Variants in AKR1E2 observed in about 807,000 individuals in gnomAD.
The protein encoded by AKR1E2 is aldo-keto reductase family 1 member E2.
Under a neutral mutation model 41.9 loss-of-function variants are expected in AKR1E2, and 43 were observed. The ratio of observed to expected loss-of-function variants is 1.03; its 90% confidence interval spans 0.80 to 1.32. AKR1E2 has a LOEUF of 1.32. Among genes scored for constraint, AKR1E2 ranks in the 40% most tolerant of loss-of-function variants. AKR1E2 has a pLI of 0.00. For missense variants in AKR1E2, 423 were observed against 396.5 expected (o/e 1.07, Z -0.57); for synonymous variants, 121 against 138.9 (o/e 0.87, Z 0.91).
chr10:4,832,410 C>T (rs1183583518), intron 2 of AKR1E2, among the ~76,000 whole-genome samples: 1 of 152,172 alleles, frequency 6.6e-6, no homozygotes, highest in Non-Finnish European at 1.5e-5. Flanking sequence ...TTGGTGTGTG[C>T]TTGGCCAAGC....
the AKR1E2 span, among the ~76,000 whole-genome samples, chr10:4,865,220 A>G: frequency 6.6e-6 from 1 of 152,216 alleles, no homozygotes; most frequent in Non-Finnish European, 1.5e-5. Context: ...GACAAAACAA[A>G]AATAATACGT....
At chr10:4,846,043 C>A in intron 8 of AKR1E2, 1 of 362,224 alleles carries the variant, frequency 2.8e-6, no homozygotes, top group Non-Finnish European at 5.4e-6. Flanking sequence ...AGAACTGCTG[C>A]TGCAAGGCTG....
At chr10:4,833,792 G>C (rs923564901) in intron 3 of AKR1E2, among the ~76,000 whole-genome samples, 2 of 152,214 alleles carry the variant, frequency 1.3e-5, no homozygotes, top group Non-Finnish European at 2.9e-5. Context: ...CTGCTGCTCA[G>C]AGAAAGTTCC....
downstream of AKR1E2, among the ~76,000 whole-genome samples, chr10:4,852,006 C>T (rs1834534308): frequency 6.6e-6 from 1 of 152,148 alleles, no homozygotes; most frequent in South Asian, 2.1e-4. Flanking sequence ...AGCTCCGTTC[C>T]ATGTGACGCC....
At chr10:4,838,500 C>G (rs1833615254) in intron 5 of AKR1E2, among the ~76,000 whole-genome samples, 1 of 152,142 alleles carries the variant, frequency 6.6e-6, no homozygotes, top group African/African-American at 2.4e-5. Context: ...GCATCATGTT[C>G]TATTTTTTTG....
At position 4,826,283 on chromosome 10, in the gene AKR1E2, C is replaced by G; in HGVS notation, c.-42C>G. On this transcript the variant is annotated 5_prime_UTR_variant, in exon 1 of 10. Transcript: ENST00000298375. ...AGCTCGCGCGGTGCCTGTCGGTAGT[C>G]GCGTGCGGGGCGGCGGGGCGGCGGG... 1 of 1,226,822 alleles carries G rather than the reference C, an allele frequency of 8.2e-7. No individual in the cohort carries two copies. The highest frequency in any genetic ancestry group is 1.0e-6 in the Non-Finnish European group (1 of 982,512). The allele number at this position is 1,226,822 out of a possible 1,614,324, so 76.0% of individuals were successfully genotyped here. A position where few individuals can be genotyped will look rare whatever the true frequency, so the allele number is the denominator to read the frequency against.
the AKR1E2 span, among the ~76,000 whole-genome samples, chr10:4,862,560 T>C: frequency 3.3e-5 from 5 of 152,230 alleles, no homozygotes; most frequent in South Asian, 1.0e-3. Context: ...TTCCTATCCA[T>C]GCACATAGAA....
the AKR1E2 span, among the ~76,000 whole-genome samples, chr10:4,856,882 T>C: frequency 6.6e-6 from 1 of 151,936 alleles, no homozygotes; most frequent in Admixed American, 6.6e-5. Flanking sequence ...TGTAGAACTC[T>C]ACTGTTCGGT....
chr10:4,870,286 AC>A, the AKR1E2 span, among the ~76,000 whole-genome samples: 1 of 152,034 alleles, frequency 6.6e-6, no homozygotes, highest in Admixed American at 6.6e-5. Context: ...ACCATATAAG[AC>A]ATTTAGTTTT....
chr10:4,827,525 C>T (rs1276695364), intron 1 of AKR1E2, among the ~76,000 whole-genome samples: 6 of 152,042 alleles, frequency 3.9e-5, no homozygotes, highest in Admixed American at 3.9e-4. Context: ...ATTCTACGAC[C>T]TTTCTCTGCT....
rs868164379 is a variant in AKR1E2 at position 4,840,380 on chromosome 10, A to G, written c.680+554A>G. 4.6e-5 allele frequency among the ~76,000 whole-genome samples: 7 copies of G among 152,232 alleles called. No individual in the cohort carries two copies. The South Asian group carries it at 8.3e-4, about 18-fold the overall frequency. ...TTTGTTTCATGATTTCATTTCTGCC[A>G]TCACTGTCACTGCCTTAGTTAAGTA... On this transcript the variant is annotated intron_variant, in intron 6 of 9. Coordinates refer to ENST00000298375, the MANE Select transcript of AKR1E2 (RefSeq NM_001040177.3).
chr10:4,859,605 C>T, the AKR1E2 span, among the ~76,000 whole-genome samples: 2 of 152,292 alleles, frequency 1.3e-5, no homozygotes, highest in East Asian at 1.9e-4. Context: ...CAATTCTGCC[C>T]GCACTTCTCA....
chr10:4,849,206 T>C (rs1834477187), downstream of AKR1E2, among the ~76,000 whole-genome samples: 1 of 152,162 alleles, frequency 6.6e-6, no homozygotes, highest in African/African-American at 2.4e-5. Context: ...AGAAGACTGT[T>C]TACAAAGGAC....
chr10:4,833,836 G>C (rs1036615006), intron 3 of AKR1E2, among the ~76,000 whole-genome samples: 1 of 152,184 alleles, frequency 6.6e-6, no homozygotes, highest in East Asian at 1.9e-4. Flanking sequence ...CTTCTTGCAG[G>C]TTCTGTTCTC....
chr10:4,825,826 C>A (rs1490923532), upstream of AKR1E2, among the ~76,000 whole-genome samples: 1 of 152,220 alleles, frequency 6.6e-6, no homozygotes, highest in African/African-American at 2.4e-5. Context: ...GGCCCTGGAA[C>A]GGTGAAGACT....
At chr10:4,848,471 A>T (rs1834464403), downstream of AKR1E2, among the ~76,000 whole-genome samples, 2 of 152,198 alleles carry the variant, frequency 1.3e-5, no homozygotes, top group South Asian at 2.1e-4. Context: ...AATCTGGCCT[A>T]GCTCCTGTGC....
At chr10:4,854,554 C>CT in the AKR1E2 span, among the ~76,000 whole-genome samples, 1 of 152,106 alleles carries the variant, frequency 6.6e-6, no homozygotes, top group South Asian at 2.1e-4. Context: ...GAGGAACCCC[C>CT]CGCCCCGACC....
At chr10:4,830,953 T>A in intron 2 of AKR1E2, 111 bp downstream of exon 2, 1 of 1,307,542 alleles carries the variant, frequency 7.6e-7, no homozygotes, top group Non-Finnish European at 1.1e-6. Context: ...CAAATCGGAA[T>A]AAACAAGAAT....
the AKR1E2 span, among the ~76,000 whole-genome samples, chr10:4,858,910 G>A: frequency 2.6e-4 from 37 of 144,258 alleles, no homozygotes; most frequent in East Asian, 6.8e-3. Flanking sequence ...TGCAACCTTC[G>A]CCTCCCTGGT....
Sources: allele counts gnomAD v4.1 joint callset (sites outside exome capture counted in the v4.1 genomes callset), GRCh38; gene constraint gnomAD v4.1.1; transcripts MANE v1.5; gene names NCBI Gene and HGNC (gene_info 2026-07-23, HGNC 2026-07-21).